EYS: variants seen among roughly 807,000 people sequenced by gnomAD.
EYS encodes the protein EGF-like photoreceptor maintenance factor.
A neutral mutation model predicts 282.1 loss-of-function variants in EYS; 250 were observed. The observed-to-expected ratio is 0.89, with a 90% CI of 0.80 to 0.98. The LOEUF (loss-of-function observed/expected upper bound fraction) is 0.98, where lower values mean the gene tolerates loss of function less well. EYS is among the 50% of genes least tolerant of loss of function. The pLI, the probability that EYS is intolerant of heterozygous loss-of-function variation, is 0.00. For synonymous variants in EYS, 1,355 were observed against 1,282.9 expected, an observed-to-expected ratio of 1.06 and a Z score of -1.20; for missense variants, 4,016 against 3,709.0, an observed-to-expected ratio of 1.08 and a Z score of -2.15.
chr6:65,452,339 T>A (rs1764436052), intron 5 of EYS, among the ~76,000 whole-genome samples: 1 of 151,080 alleles, frequency 6.6e-6, no homozygotes, highest in African/African-American at 2.4e-5. Flanking sequence ...TTTTTTTTTT[T>A]ACAAAATTAA....
At chr6:65,092,943 G>T (rs9445465) in intron 12 of EYS, among the ~76,000 whole-genome samples, 83,589 of 151,896 alleles carry the variant, frequency 0.55, 23,982 homozygotes, top group African/African-American at 0.69. Flanking sequence ...ACTTCCCAAA[G>T]TTTTGGAAGC....
chr6:64,809,304 T>G (rs993536581), intron 22 of EYS, among the ~76,000 whole-genome samples: 1 of 152,036 alleles, frequency 6.6e-6, no homozygotes, highest in Non-Finnish European at 1.5e-5. Flanking sequence ...TGGAATAAAC[T>G]AACTACTCTG....
chr6:65,189,514 C>A (rs1188611623), intron 12 of EYS, among the ~76,000 whole-genome samples: 1 of 151,580 alleles, frequency 6.6e-6, no homozygotes, highest in African/African-American at 2.4e-5. Flanking sequence ...TAAAATATTG[C>A]CCCATTAAAG....
intron 26 of EYS, among the ~76,000 whole-genome samples, chr6:64,468,332 C>A (rs1446284140): frequency 6.6e-6 from 1 of 152,194 alleles, no homozygotes; most frequent in Non-Finnish European, 1.5e-5. Context: ...TCAACCTTTC[C>A]TGAACAACAT....
intron 30 of EYS, among the ~76,000 whole-genome samples, chr6:64,231,799 C>G (rs1328504836): frequency 6.6e-6 from 1 of 152,018 alleles, no homozygotes; most frequent in Admixed American, 6.6e-5. Context: ...TTAATGTGTT[C>G]AGCATACTCA....
intron 26 of EYS, among the ~76,000 whole-genome samples, chr6:64,479,292 G>C (rs1776366624): frequency 6.6e-6 from 1 of 151,938 alleles, no homozygotes; most frequent in African/African-American, 2.4e-5. Flanking sequence ...TCACACTGCA[G>C]AATTACTTTC....
chr6:65,063,735 AT>A (rs1005702744), intron 12 of EYS, among the ~76,000 whole-genome samples: 1 of 151,936 alleles, frequency 6.6e-6, no homozygotes, highest in African/African-American at 2.4e-5. Context: ...TGTTATTCAA[AT>A]TTTTTTCTTC....
intron 7 of EYS, among the ~76,000 whole-genome samples, chr6:65,393,082 A>G (rs2150357759): frequency 6.6e-6 from 1 of 152,056 alleles, no homozygotes; most frequent in South Asian, 2.1e-4. Context: ...ACAAAAAACC[A>G]AACACCACAT....
At chr6:65,453,407 T>C (rs1158503738) in intron 5 of EYS, among the ~76,000 whole-genome samples, 2 of 152,020 alleles carry the variant, frequency 1.3e-5, no homozygotes, top group African/African-American at 4.8e-5. Flanking sequence ...TGACACATTG[T>C]AATTGTACAT....
At position 65,513,597 on chromosome 6, in the gene EYS, T is replaced by C. The variant is rs376959898; in HGVS notation, c.-332-17604A>G. On this transcript the variant is annotated intron_variant, in intron 2 of 42. Transcript: ENST00000503581. ...CATCAAAAAGCTTATCCACCATGAT[T>C]AAGTGGGCTTCATCCCTGGGATGCA... Among the ~76,000 whole-genome samples the C allele has an allele frequency of 4.6e-5, 7 of 152,142 alleles. No homozygotes were observed. The East Asian group carries it at 5.8e-4, about 13-fold the overall frequency.
intron 29 of EYS, among the ~76,000 whole-genome samples, chr6:64,333,286 A>T (rs2150391749): frequency 6.6e-6 from 1 of 152,274 alleles, no homozygotes. Flanking sequence ...ACAAAATGGA[A>T]GTATTCCCTT....
intron 36 of EYS, among the ~76,000 whole-genome samples, chr6:63,818,774 G>C (rs981383598): frequency 2.0e-5 from 3 of 152,112 alleles, no homozygotes; most frequent in Admixed American, 1.3e-4. Flanking sequence ...AATCTACAGA[G>C]AGCCCTCAAA....
intron 33 of EYS, among the ~76,000 whole-genome samples, chr6:64,002,390 GC>G (rs1057466104): frequency 5.9e-5 from 9 of 152,156 alleles, no homozygotes; most frequent in African/African-American, 2.2e-4. Flanking sequence ...TGTCACACTG[GC>G]CCCCTGCCCT....
At chr6:65,016,003 C>T (rs974894975) in intron 13 of EYS, among the ~76,000 whole-genome samples, 15 of 150,170 alleles carry the variant, frequency 1.0e-4, no homozygotes, top group African/African-American at 3.2e-4. Flanking sequence ...TGAGATTGTG[C>T]CACTGCAATC....
chr6:64,296,328 A>C (rs918457410), intron 30 of EYS, among the ~76,000 whole-genome samples: 18 of 152,164 alleles, frequency 1.2e-4, no homozygotes, highest in African/African-American at 4.1e-4. Context: ...GCAGGTATTA[A>C]ATATGTTTGC....
intron 11 of EYS, among the ~76,000 whole-genome samples, chr6:65,311,147 C>T (rs1015055358): frequency 4.3e-4 from 65 of 152,120 alleles, no homozygotes; most frequent in Middle Eastern, 3.4e-3. Flanking sequence ...AGAAGCGATA[C>T]GTATATCTAT....
At position 64,914,562 on chromosome 6, in the gene EYS, GATAT is replaced by G. The variant is rs548849813; in HGVS notation, c.2382-1823_2382-1820del. 3.0e-4 allele frequency among the ~76,000 whole-genome samples: 45 copies of G among 152,116 alleles called. No individual in the cohort carries two copies. In the South Asian group the frequency reaches 9.3e-3, roughly 32 times the overall value. The stretch of plus-strand genomic sequence containing the variant: ...CCTAATTTGCAGTTTCAAAGCCCCA[GATAT>G]ATCAAGGCCCTTTATAATTATAAAT... On this transcript the variant is annotated intron_variant, in intron 15 of 42. Transcript: ENST00000503581.
chr6:63,791,237 G>C (rs1265185583), intron 37 of EYS, among the ~76,000 whole-genome samples: 1 of 152,176 alleles, frequency 6.6e-6, no homozygotes, highest in Non-Finnish European at 1.5e-5. Context: ...GGAGAACTTT[G>C]CAGCAACCCA....
chr6:63,756,916 C>A (rs1769500331), intron 41 of EYS, among the ~76,000 whole-genome samples: 1 of 152,060 alleles, frequency 6.6e-6, no homozygotes, highest in Non-Finnish European at 1.5e-5. Flanking sequence ...TCTTTGTAAG[C>A]TGAGAATGTA....
Sources: allele counts gnomAD v4.1 joint callset (sites outside exome capture counted in the v4.1 genomes callset), GRCh38; gene constraint gnomAD v4.1.1; transcripts MANE v1.5; gene names NCBI Gene and HGNC (gene_info 2026-07-23, HGNC 2026-07-21).